Variants in ITCH observed in about 807,000 individuals in gnomAD.
ITCH encodes the protein E3 ubiquitin-protein ligase Itchy homolog.
In ITCH, 28 loss-of-function variants were observed where a neutral mutation model predicts 126.8. That is an observed-to-expected ratio of 0.22 (90% CI 0.16 to 0.30). The LOEUF (loss-of-function observed/expected upper bound fraction) is 0.30. Ranked by LOEUF, ITCH falls within the 10% of genes least tolerant of loss-of-function variation. ITCH has a pLI of 1.00. For missense variants in ITCH, 631 were observed against 1,032.4 expected (o/e 0.61, Z 5.33); for synonymous variants, 342 against 340.0 (o/e 1.01, Z -0.06).
chr20:34,480,296 C>T (rs530724459), intron 18 of ITCH, among the ~76,000 whole-genome samples: 2 of 152,190 alleles, frequency 1.3e-5, no homozygotes, highest in East Asian at 3.9e-4. Flanking sequence ...CTCCCAGGTT[C>T]GAGCAATTCT....
rs79522523 is a variant in ITCH, at chr20:34,440,487, T to C, written c.869+143T>C. ...AATTTCTTTTTTTTTTGAGATGGAG[T>C]GCTCTGTCTCCCAGACTGGAGTGCA... On this transcript the variant is annotated intron_variant, in intron 9 of 24. Coordinates refer to ENST00000374864, the MANE Select transcript of ITCH (RefSeq NM_031483.7). 3.1e-3 allele frequency: 2,170 copies of C among 703,986 alleles called. 49 individuals carry two copies. The African/African-American group carries it at 0.035, about 11-fold the overall frequency. The allele number at this position is 703,986 out of a possible 1,614,324, so 43.6% of individuals were successfully genotyped here. A position where few individuals can be genotyped will look rare whatever the true frequency, so the allele number is the denominator to read the frequency against.
In ITCH at chr20:34,511,360, A is replaced by C. The variant is rs1978789130; in HGVS notation, c.*3566A>C. ...CACTTGCGTTTTCCTACAAGATGTA[A>C]GACTGTTTATAATTAAACTTTTTTG... On this transcript the variant is annotated 3_prime_UTR_variant, in exon 25 of 25. Transcript: ENST00000374864. 6.6e-6 allele frequency: 1 copy of C among 152,194 alleles called. No homozygotes were observed. The highest frequency in any genetic ancestry group is 1.5e-5 in the Non-Finnish European group (1 of 68,040). The allele number at this position is 152,194 out of a possible 1,614,324, so 9.4% of individuals were successfully genotyped here.
chr20:34,476,368 C>T, intron 16 of ITCH: 1 of 1,328,882 alleles, frequency 7.5e-7, no homozygotes, highest in South Asian at 1.7e-5. Flanking sequence ...CCTCAGCAGG[C>T]CGCTGGCTCC....
intron 16 of ITCH, among the ~76,000 whole-genome samples, chr20:34,477,424 G>A (rs1600449702): frequency 6.6e-6 from 1 of 152,278 alleles, no homozygotes; most frequent in South Asian, 2.1e-4. Flanking sequence ...CAGCTACTTG[G>A]GAGGCTAAGG....
chr20:34,487,143 C>CT (rs1448143005), intron 20 of ITCH, among the ~76,000 whole-genome samples: 1 of 150,984 alleles, frequency 6.6e-6, no homozygotes, highest in Non-Finnish European at 1.5e-5. Flanking sequence ...TCCGGAGTAG[C>CT]TGGGACTACA....
At chr20:34,415,998 C>T (rs889607117) in intron 6 of ITCH, among the ~76,000 whole-genome samples, 3 of 151,872 alleles carry the variant, frequency 2.0e-5, no homozygotes, top group Admixed American at 2.0e-4. Context: ...GGCGAGCACC[C>T]GTAAGCCCAG....
chr20:34,389,662 C>T (rs1382622708), intron 2 of ITCH, among the ~76,000 whole-genome samples: 1 of 152,136 alleles, frequency 6.6e-6, no homozygotes, highest in East Asian at 1.9e-4. Flanking sequence ...TAGTAGATCC[C>T]TACAACCACT....
chr20:34,474,773 G>A lies in ITCH; in HGVS notation c.1570-2999G>A, dbSNP rs1987984588. On this transcript the variant is annotated intron_variant, in intron 16 of 24. Coordinates refer to ENST00000374864, the MANE Select transcript of ITCH (RefSeq NM_031483.7). ...AGGCACCCCGCACCTCCAGGACAGGGCGGCTGGCCGGGCGGGGGGGCTGAC... is the reference window on the plus strand; with the variant it reads ...AGGCACCCCGCACCTCCAGGACAGGACGGCTGGCCGGGCGGGGGGGCTGAC... 2.4e-5 allele frequency among the ~76,000 whole-genome samples: 3 copies of A among 126,890 alleles called. No homozygotes were observed. In the South Asian group the frequency reaches 7.7e-4, roughly 33 times the overall value. 83.2% of individuals were successfully genotyped at this position (126,890 alleles called of 152,430 possible).
rs1254106323 is a variant in ITCH, at chr20:34,445,377, C to T, written c.1056C>T (p.Ser352=). The change falls in exon 11 of 25, where the codon TCC becomes TCT. Residue 352 remains serine, a synonymous_variant. Transcript: ENST00000374864. Reference sequence around the variant, plus strand: ...CGTGGCAGAGGCCAACACTGGAATCCGTCCGGAACTATGAACAATGGCAGC... The same window carrying T: ...CGTGGCAGAGGCCAACACTGGAATCTGTCCGGAACTATGAACAATGGCAGC... ...TTTWQRPTLE[S]VRNYEQWQLQ... 16 of 1,613,664 alleles carry T rather than the reference C, an allele frequency of 9.9e-6. No homozygotes were observed. The highest frequency in any genetic ancestry group is 7.7e-5 in the South Asian group (7 of 91,070).
At chr20:34,470,151 C>T (rs1987480160) in intron 15 of ITCH, 31 bp downstream of exon 15, 1 of 1,486,510 alleles carries the variant, frequency 6.7e-7, no homozygotes, top group Non-Finnish European at 9.2e-7. Flanking sequence ...TCTGTACTGC[C>T]TTAACTTTGT....
At chr20:34,366,594 C>T (rs1418310784) in intron 1 of ITCH, among the ~76,000 whole-genome samples, 1 of 151,916 alleles carries the variant, frequency 6.6e-6, no homozygotes, top group Non-Finnish European at 1.5e-5. Context: ...GGGCTGGGCT[C>T]AGTGCCTCAC....
chr20:34,430,881 G>A (rs566157054), intron 7 of ITCH, among the ~76,000 whole-genome samples: 1 of 152,330 alleles, frequency 6.6e-6, no homozygotes, highest in Admixed American at 6.5e-5. Flanking sequence ...AAGGTTGAAA[G>A]TCCTATATGG....
intron 6 of ITCH, among the ~76,000 whole-genome samples, chr20:34,421,431 C>T (rs1980748816): frequency 1.3e-5 from 2 of 152,092 alleles, no homozygotes; most frequent in African/African-American, 4.8e-5. Flanking sequence ...GTAGATCTTC[C>T]AAAGTTTCTT....
chr20:34,481,297 A>T, intron 20 of ITCH, 91 bp downstream of exon 20: 10 of 1,341,862 alleles, frequency 7.5e-6, no homozygotes, highest in Non-Finnish European at 9.6e-6. Context: ...ATCTCCAAAA[A>T]TAGTATTTGT....
intron 20 of ITCH, among the ~76,000 whole-genome samples, chr20:34,483,217 C>T (rs956007503): frequency 5.3e-5 from 8 of 152,170 alleles, no homozygotes; most frequent in Non-Finnish European, 8.8e-5. Flanking sequence ...TCCACATTGT[C>T]TTGGGGATTA....
chr20:34,507,838 A>G lies in ITCH; in HGVS notation c.*44A>G, dbSNP rs376617291. 3.0e-5 allele frequency: 42 copies of G among 1,407,634 alleles called. No homozygotes were observed. Among genetic ancestry groups the G allele is most frequent in the African/African-American group, 9.9e-5 (7 of 70,772 alleles). 87.2% of individuals were successfully genotyped at this position (1,407,634 alleles called of 1,614,324 possible). On this transcript the variant is annotated 3_prime_UTR_variant, in exon 25 of 25. Coordinates refer to ENST00000374864, the MANE Select transcript of ITCH (RefSeq NM_031483.7). ...ATGAATGGGCAAGAACTTATTTGCA[A>G]TGTTTGTCCTTCTCTGCCTGTTGCA...
At position 34,380,115 on chromosome 20, in the gene ITCH, C is replaced by A. The variant is rs369215446; in HGVS notation, c.-22+10645C>A. ...GTTTCACCATGTTGACCAGGATCGT[C>A]TCAATCTCTTGACCTTCCTCAGCTG... On this transcript the variant is annotated intron_variant, in intron 2 of 24. Transcript: ENST00000374864. 3.9e-5 allele frequency among the ~76,000 whole-genome samples: 6 copies of A among 152,140 alleles called. No individual in the cohort carries two copies. In the East Asian group the frequency reaches 1.2e-3, roughly 29 times the overall value.
intron 2 of ITCH, among the ~76,000 whole-genome samples, chr20:34,373,641 C>T (rs1431339155): frequency 6.6e-6 from 1 of 152,102 alleles, no homozygotes. Context: ...CAATCTCTGC[C>T]CTCCAGCAAC....
intron 6 of ITCH, among the ~76,000 whole-genome samples, chr20:34,414,650 T>C (rs574016012): frequency 2.0e-5 from 3 of 152,106 alleles, no homozygotes; most frequent in African/African-American, 7.2e-5. Context: ...GGGGTTTTTT[T>C]GTTTGTTTTA....
Sources: allele counts gnomAD v4.1 joint callset (sites outside exome capture counted in the v4.1 genomes callset), GRCh38; gene constraint gnomAD v4.1.1; transcripts MANE v1.5; gene names NCBI Gene and HGNC (gene_info 2026-07-23, HGNC 2026-07-21).